GRID2: variants seen among roughly 807,000 people sequenced by gnomAD.
GRID2 encodes the protein glutamate ionotropic receptor delta type subunit 2.
In GRID2, 33 loss-of-function variants were observed where a neutral mutation model predicts 114.8. The ratio of observed to expected loss-of-function variants is 0.29; its 90% CI spans 0.22 to 0.38. The LOEUF (loss-of-function observed/expected upper bound fraction) is 0.38, where lower values mean the gene tolerates loss of function less well. GRID2 is among the 10% of genes least tolerant of loss of function. The pLI is 1.00. For synonymous variants in GRID2, 505 were observed against 449.9 expected, an observed-to-expected ratio of 1.12 and a Z score of -1.55; for missense variants, 1,184 against 1,257.7, an observed-to-expected ratio of 0.94 and a Z score of 0.89.
At chr4:93,164,931 A>C (rs1026604725) in intron 4 of GRID2, 1 of 227,868 alleles carries the variant, frequency 4.4e-6, no homozygotes, top group Non-Finnish European at 9.6e-6. Context: ...AGGCACTATG[A>C]CGTAAGAGTT....
intron 4 of GRID2, among the ~76,000 whole-genome samples, chr4:93,137,966 G>A (rs897663347): frequency 2.6e-5 from 2 of 78,380 alleles, no homozygotes; most frequent in African/African-American, 9.1e-5. Flanking sequence ...TTTTTTCTTC[G>A]TTTTTTTTTT....
intron 4 of GRID2, among the ~76,000 whole-genome samples, chr4:93,197,748 G>A (rs564842126): frequency 6.6e-6 from 1 of 152,210 alleles, no homozygotes; most frequent in East Asian, 1.9e-4. Context: ...CTCAGAGTAT[G>A]TAACATACCT....
chr4:92,377,639 GA>G (rs1239742617), intron 1 of GRID2, among the ~76,000 whole-genome samples: 1 of 152,074 alleles, frequency 6.6e-6, no homozygotes, highest in Non-Finnish European at 1.5e-5. Flanking sequence ...AGAATGTGAA[GA>G]AAAAGAAGTT....
At chr4:92,613,219 G>C in intron 2 of GRID2, among the ~76,000 whole-genome samples, 1 of 151,294 alleles carries the variant, frequency 6.6e-6, no homozygotes. Context: ...ATGGTATGTT[G>C]CATTAATTGA....
At chr4:92,757,190 C>T (rs1309747333) in intron 2 of GRID2, among the ~76,000 whole-genome samples, 2 of 151,914 alleles carry the variant, frequency 1.3e-5, no homozygotes, top group Non-Finnish European at 2.9e-5. Flanking sequence ...TTCCCAAAAC[C>T]ATTTATTATG....
intron 2 of GRID2, among the ~76,000 whole-genome samples, chr4:93,057,407 G>T (rs1260873162): frequency 6.6e-6 from 1 of 151,852 alleles, no homozygotes; most frequent in Non-Finnish European, 1.5e-5. Flanking sequence ...GAGACACTTG[G>T]TTCCAGAATT....
intron 10 of GRID2, among the ~76,000 whole-genome samples, chr4:93,433,176 C>T (rs181638765): frequency 5.9e-5 from 9 of 152,154 alleles, no homozygotes; most frequent in African/African-American, 2.2e-4. Context: ...TTCTGAAAAC[C>T]TAAAACTGCT....
At chr4:92,328,750 C>T (rs181471333) in intron 1 of GRID2, among the ~76,000 whole-genome samples, 13 of 151,976 alleles carry the variant, frequency 8.6e-5, no homozygotes, top group African/African-American at 1.7e-4. Flanking sequence ...GTTGGGTGTT[C>T]GGAATAAATT....
chr4:92,987,813 T>C (rs1754604467), intron 2 of GRID2, among the ~76,000 whole-genome samples: 1 of 152,132 alleles, frequency 6.6e-6, no homozygotes, highest in Non-Finnish European at 1.5e-5. Context: ...TCTCTAATTA[T>C]AACTGTTAAA....
At chr4:93,259,334 G>A (rs1231327577) in intron 8 of GRID2, among the ~76,000 whole-genome samples, 2 of 151,722 alleles carry the variant, frequency 1.3e-5, no homozygotes, top group African/African-American at 4.8e-5. Flanking sequence ...TCATAGTTAG[G>A]CACTTACAAT....
chr4:93,524,160 GA>G, intron 13 of GRID2, among the ~76,000 whole-genome samples: 1 of 152,132 alleles, frequency 6.6e-6, no homozygotes, highest in Non-Finnish European at 1.5e-5. Flanking sequence ...TAAACAAACT[GA>G]AAATGGCTTG....
Position 93,772,424 on chromosome 4 carries a change from T to A in GRID2, c.2950T>A (p.Ser984Thr), listed in dbSNP as rs1398081371. Residue 984 changes from serine to threonine, a missense_variant, in exon 16 of 16, where the codon TCT becomes ACT. By Grantham distance (58) the Ser-to-Thr change is moderately conservative. Around this residue, in one of 3 missense-constraint regions of GRID2, gnomAD observed 717 missense variants for 796.9 expected, o/e 0.90. Coordinates refer to ENST00000282020, the MANE Select transcript of GRID2 (RefSeq NM_001510.4). The part of the protein sequence containing the change: ...FFRSPIKTMS[S>T]IPYQPTPTLG... ...CAGGAGTCCTATAAAAACAATGTCA[T>A]CTATTCCTTATCAACCAACTCCTAC... 3.1e-6 allele frequency: 5 copies of A among 1,613,614 alleles called. No individual in the cohort carries two copies. Among genetic ancestry groups the A allele is most frequent in the Non-Finnish European group, 4.2e-6 (5 of 1,179,794 alleles).
chr4:92,645,819 C>T (rs1162998544), intron 2 of GRID2, among the ~76,000 whole-genome samples: 2 of 151,626 alleles, frequency 1.3e-5, no homozygotes, highest in Non-Finnish European at 2.9e-5. Flanking sequence ...CAAATTATTT[C>T]CCCGTAAGAA....
At chr4:93,046,755 C>T (rs554039343) in intron 2 of GRID2, among the ~76,000 whole-genome samples, 87 of 151,872 alleles carry the variant, frequency 5.7e-4, no homozygotes, top group African/African-American at 2.1e-3. Context: ...TACTAAGTTG[C>T]CATTTAGCTT....
intron 1 of GRID2, among the ~76,000 whole-genome samples, chr4:92,316,763 T>G (rs1490575125): frequency 6.6e-6 from 1 of 152,108 alleles, no homozygotes; most frequent in African/African-American, 2.4e-5. Context: ...AGCCTAAAGG[T>G]GCCATAAAAA....
At chr4:93,239,207 T>C (rs1414820203) in intron 8 of GRID2, among the ~76,000 whole-genome samples, 1 of 147,952 alleles carries the variant, frequency 6.8e-6, no homozygotes, top group Non-Finnish European at 1.5e-5. Flanking sequence ...ATTATATATA[T>C]ACACATATAC....
intron 1 of GRID2, among the ~76,000 whole-genome samples, chr4:92,560,734 G>T (rs953754933): frequency 2.6e-5 from 4 of 151,776 alleles, no homozygotes; most frequent in African/African-American, 9.7e-5. Context: ...GAGACAGAGT[G>T]CCACTCTTGA....
chr4:92,923,215 G>C (rs1403924675), intron 2 of GRID2, among the ~76,000 whole-genome samples: 1 of 152,156 alleles, frequency 6.6e-6, no homozygotes, highest in South Asian at 2.1e-4. Context: ...ATAACTGTCA[G>C]GAAATTGAAG....
intron 2 of GRID2, among the ~76,000 whole-genome samples, chr4:92,654,865 T>C (rs557158315): frequency 1.3e-5 from 2 of 152,182 alleles, no homozygotes; most frequent in Non-Finnish European, 2.9e-5. Flanking sequence ...CTTCATTCTG[T>C]TGATTGTTTC....
Sources: allele counts gnomAD v4.1 joint callset (sites outside exome capture counted in the v4.1 genomes callset), GRCh38; gene constraint gnomAD v4.1.1; regional missense constraint gnomAD v4.1.1; transcripts MANE v1.5; gene names NCBI Gene and HGNC (gene_info 2026-07-23, HGNC 2026-07-21).